The following STK32B variants were observed in gnomAD, a reference collection of about 807,000 sequenced individuals.
STK32B encodes serine/threonine kinase 32B.
STK32B carries 43 observed loss-of-function variants against 52.6 expected under a neutral mutation model. The ratio of observed to expected loss-of-function variants is 0.82; its 90% CI spans 0.64 to 1.05. The LOEUF (loss-of-function observed/expected upper bound fraction) is 1.05, where lower values mean the gene tolerates loss of function less well. STK32B is among the 50% of genes least tolerant of loss of function. The pLI is 0.00. For synonymous variants in STK32B, 238 were observed against 204.3 expected (o/e 1.17, Z -1.41); for missense variants, 621 against 534.6 (o/e 1.16, Z -1.59).
intron 11 of STK32B, among the ~76,000 whole-genome samples, chr4:5,498,397 A>G (rs893739127): frequency 6.6e-6 from 1 of 151,058 alleles, no homozygotes; most frequent in Non-Finnish European, 1.5e-5. Context: ...GTGTTTAACA[A>G]CTGTTTGGAT....
At chr4:5,203,501 C>T (rs1228997558) in intron 3 of STK32B, among the ~76,000 whole-genome samples, 1 of 152,052 alleles carries the variant, frequency 6.6e-6, no homozygotes, top group Non-Finnish European at 1.5e-5. Context: ...AGCACATGCT[C>T]CTGTCTCCCT....
intron 1 of STK32B, among the ~76,000 whole-genome samples, chr4:5,091,925 T>C (rs112367289): frequency 6.6e-6 from 1 of 152,204 alleles, no homozygotes. Context: ...TAAAACTTTA[T>C]GTTAAGTGAA....
intron 3 of STK32B, among the ~76,000 whole-genome samples, chr4:5,318,628 G>T (rs957737864): frequency 5.3e-5 from 8 of 151,992 alleles, no homozygotes; most frequent in African/African-American, 1.9e-4. Flanking sequence ...GAATCACAGG[G>T]TAGGTACTTT....
At chr4:5,373,034 T>C (rs964077860) in intron 4 of STK32B, among the ~76,000 whole-genome samples, 1 of 152,018 alleles carries the variant, frequency 6.6e-6, no homozygotes, top group African/African-American at 2.4e-5. Context: ...GGAATTGCTG[T>C]GGGGTCAGCC....
chr4:5,379,947 A>T (rs565635350), intron 4 of STK32B, among the ~76,000 whole-genome samples: 2 of 152,186 alleles, frequency 1.3e-5, no homozygotes, highest in African/African-American at 2.4e-5. Flanking sequence ...GATGACTGCC[A>T]AGCTGGGAAC....
intron 1 of STK32B, among the ~76,000 whole-genome samples, chr4:5,082,182 A>G (rs147777392): frequency 9.5e-4 from 145 of 152,118 alleles, no homozygotes; most frequent in Non-Finnish European, 1.8e-3. Flanking sequence ...GATTCAGGCC[A>G]GGTACTGAGA....
chr4:5,067,103 T>A (rs1742454885), intron 1 of STK32B, among the ~76,000 whole-genome samples: 1 of 152,168 alleles, frequency 6.6e-6, no homozygotes, highest in African/African-American at 2.4e-5. Context: ...TGAGAAGGCC[T>A]CACAATTATG....
chr4:5,244,090 T>A (rs1328832949), intron 3 of STK32B, among the ~76,000 whole-genome samples: 1 of 152,174 alleles, frequency 6.6e-6, no homozygotes, highest in Non-Finnish European at 1.5e-5. Context: ...GATGCTGGCC[T>A]CATAAAATGA....
intron 3 of STK32B, among the ~76,000 whole-genome samples, chr4:5,253,655 G>A (rs139484207): frequency 0.019 from 2,880 of 152,132 alleles, 88 homozygotes; most frequent in African/African-American, 0.065. Context: ...GATTACAGGC[G>A]TGAGACACTG....
intron 3 of STK32B, among the ~76,000 whole-genome samples, chr4:5,171,895 G>A (rs1038987433): frequency 1.4e-4 from 21 of 151,162 alleles, no homozygotes; most frequent in Non-Finnish European, 2.4e-4. Context: ...AAATTACCTT[G>A]GGCAGTATGG....
chr4:5,123,952 T>C (rs1374622), intron 1 of STK32B, among the ~76,000 whole-genome samples: 145,620 of 152,100 alleles, frequency 0.96, 70,018 homozygotes, highest in East Asian at 1. Context: ...TGTGGGGCTC[T>C]GATCAAAGCC....
chr4:5,468,869 T>C (rs1488690716), intron 11 of STK32B, among the ~76,000 whole-genome samples: 2 of 151,916 alleles, frequency 1.3e-5, no homozygotes, highest in Non-Finnish European at 2.9e-5. Flanking sequence ...GAGACCACGG[T>C]GAAACCCCGT....
intron 1 of STK32B, among the ~76,000 whole-genome samples, chr4:5,069,772 A>G (rs1427020920): frequency 6.6e-6 from 1 of 152,196 alleles, no homozygotes; most frequent in Non-Finnish European, 1.5e-5. Context: ...TGAAGATTCT[A>G]TGTGGAGGTC....
chr4:5,168,370 C>T lies in STK32B; in HGVS notation c.180C>T (p.Ile60=), dbSNP rs531366468. 6.2e-6 allele frequency: 10 copies of T among 1,613,796 alleles called. No homozygotes were observed. Among genetic ancestry groups the T allele is most frequent in the South Asian group, 2.2e-5 (2 of 91,052 alleles). ...AGTACATGAACAAGCAGAAGTGCAT[C>T]GAGAGGGATGAGGTTCGGAATGTTT... The part of the protein sequence containing the change: ...AMKYMNKQKC[I]ERDEVRNVFR... Residue 60 remains isoleucine, a synonymous_variant, in exon 3 of 12, where the codon ATC becomes ATT. Transcript: ENST00000282908.
chr4:5,240,070 CTCTG>C (rs916775229), intron 3 of STK32B, among the ~76,000 whole-genome samples: 1 of 142,272 alleles, frequency 7.0e-6, no homozygotes, highest in African/African-American at 2.9e-5. Flanking sequence ...CTCTCTCTCT[CTCTG>C]TCTCTCTCTC....
chr4:5,488,756 C>T (rs2108719730), intron 11 of STK32B, among the ~76,000 whole-genome samples: 1 of 152,200 alleles, frequency 6.6e-6, no homozygotes, highest in Admixed American at 6.5e-5. Flanking sequence ...AAAAATTTAT[C>T]TTCATATCTA....
intron 3 of STK32B, among the ~76,000 whole-genome samples, chr4:5,172,401 A>G (rs1316361986): frequency 6.6e-6 from 1 of 152,056 alleles, no homozygotes; most frequent in African/African-American, 2.4e-5. Context: ...TTCAAAGGGA[A>G]TGCTTCCAGT....
At chr4:5,274,040 T>G (rs1214467022) in intron 3 of STK32B, among the ~76,000 whole-genome samples, 1 of 152,100 alleles carries the variant, frequency 6.6e-6, no homozygotes, top group Non-Finnish European at 1.5e-5. Context: ...AGACTCAATA[T>G]TGCTAAGCTG....
At chr4:5,148,210 T>G (rs1172564897) in intron 2 of STK32B, among the ~76,000 whole-genome samples, 1 of 151,736 alleles carries the variant, frequency 6.6e-6, no homozygotes, top group Admixed American at 6.6e-5. Flanking sequence ...TATCATAGGA[T>G]CTTCTTAATT....
Sources: gnomAD v4.1 joint callset for allele counts (sites outside exome capture counted in the v4.1 genomes callset) on GRCh38, gnomAD v4.1.1 for gene constraint, MANE v1.5 for transcripts, NCBI Gene and HGNC (gene_info 2026-07-23, HGNC 2026-07-21) for gene names.